The following SAMD4A variants were observed in gnomAD, a reference collection of about 807,000 sequenced individuals.
SAMD4A encodes the protein sterile alpha motif domain containing 4A, also known as protein Smaug homolog 1.
Under a neutral mutation model 81.3 loss-of-function variants are expected in SAMD4A, and 33 were observed. The ratio of observed to expected loss-of-function variants is 0.41; its 90% confidence interval spans 0.31 to 0.54. The LOEUF is 0.54. Among genes scored for constraint, SAMD4A ranks in the 20% least tolerant of loss-of-function variants. SAMD4A has a pLI of 0.37. For missense variants in SAMD4A, 854 were observed against 951.1 expected (o/e 0.90, Z 1.34); for synonymous variants, 389 against 382.1 (o/e 1.02, Z -0.21).
intron 2 of SAMD4A, among the ~76,000 whole-genome samples, chr14:54,610,143 T>C (rs551063935): frequency 1.3e-5 from 2 of 152,320 alleles, no homozygotes; most frequent in South Asian, 4.1e-4. Context: ...TTTCATTCTG[T>C]TTTGAATACT....
At chr14:54,592,061 C>A (rs945485268) in intron 2 of SAMD4A, among the ~76,000 whole-genome samples, 1 of 152,116 alleles carries the variant, frequency 6.6e-6, no homozygotes, top group African/African-American at 2.4e-5. Context: ...TCTTCCCCCT[C>A]CCCATGTGCA....
chr14:54,620,767 T>G (rs1236968066), intron 2 of SAMD4A, among the ~76,000 whole-genome samples: 2 of 152,170 alleles, frequency 1.3e-5, no homozygotes, highest in African/African-American at 2.4e-5. Context: ...TTCATTTATT[T>G]ATTTATTTTA....
intron 2 of SAMD4A, among the ~76,000 whole-genome samples, chr14:54,678,336 C>G (rs2036036456): frequency 6.6e-6 from 1 of 152,034 alleles, no homozygotes. Context: ...GGTTTTATGA[C>G]CTGCCTCAGG....
chr14:54,567,250 G>C lies in SAMD4A; in HGVS notation c.-510G>C, dbSNP rs955929598. 6.6e-6 allele frequency: 1 copy of C among 152,292 alleles called. No homozygotes were observed. Among genetic ancestry groups the C allele is most frequent in the Non-Finnish European group, 1.5e-5 (1 of 68,086 alleles). 9.4% of individuals were successfully genotyped at this position (152,292 alleles called of 1,614,324 possible). ...GGAGCACCAGCCGTTGGCAGCGGCAGCAACAGGAAGCCGCGGGGTCTCCTC... is the reference window on the plus strand; with the variant it reads ...GGAGCACCAGCCGTTGGCAGCGGCACCAACAGGAAGCCGCGGGGTCTCCTC... On this transcript the variant is annotated 5_prime_UTR_variant, in exon 1 of 13. Coordinates refer to ENST00000554335, the MANE Select transcript of SAMD4A (RefSeq NM_015589.6).
At chr14:54,709,759 A>G (rs538988287) in intron 3 of SAMD4A, among the ~76,000 whole-genome samples, 5 of 152,314 alleles carry the variant, frequency 3.3e-5, no homozygotes, top group African/African-American at 1.2e-4. Context: ...ACCCATCAAG[A>G]GCAATTAATT....
At chr14:54,666,674 C>A (rs2035765730) in intron 2 of SAMD4A, among the ~76,000 whole-genome samples, 1 of 152,088 alleles carries the variant, frequency 6.6e-6, no homozygotes, top group South Asian at 2.1e-4. Context: ...GAGCCAGATG[C>A]CATCAGCTTA....
intron 2 of SAMD4A, among the ~76,000 whole-genome samples, chr14:54,636,591 C>T (rs989206846): frequency 1.5e-4 from 23 of 152,154 alleles, no homozygotes; most frequent in African/African-American, 2.4e-5. Flanking sequence ...GAGATGATGG[C>T]GGCTCACACT....
chr14:54,674,348 C>T (rs2035945973), intron 2 of SAMD4A, among the ~76,000 whole-genome samples: 1 of 152,234 alleles, frequency 6.6e-6, no homozygotes. Context: ...ATGAGGTTCT[C>T]TAAAAAAGTA....
Position 54,790,265 on chromosome 14 carries a change from G to A in SAMD4A, c.*1321G>A, listed in dbSNP as rs2140005309. 6.6e-6 allele frequency: 1 copy of A among 152,492 alleles called. No homozygotes were observed. The highest frequency in any genetic ancestry group is 1.9e-4 in the East Asian group (1 of 5,190). The allele number at this position is 152,492 out of a possible 1,614,324, so 9.4% of individuals were successfully genotyped here. ...AGCAAGTCCAGAGAGCACATGCAGGGAGATGTTTGGCCCACACCGCACAGC... is the reference window on the plus strand; with the variant it reads ...AGCAAGTCCAGAGAGCACATGCAGGAAGATGTTTGGCCCACACCGCACAGC... On this transcript the variant is annotated 3_prime_UTR_variant, in exon 13 of 13. Coordinates refer to ENST00000554335, the MANE Select transcript of SAMD4A (RefSeq NM_015589.6).
intron 3 of SAMD4A, among the ~76,000 whole-genome samples, chr14:54,725,367 G>A (rs1173343931): frequency 2.0e-5 from 3 of 152,096 alleles, no homozygotes; most frequent in African/African-American, 7.2e-5. Context: ...TGAGAGGAAA[G>A]GAAAAACCAA....
At chr14:54,662,211 T>A (rs1417043274) in intron 2 of SAMD4A, among the ~76,000 whole-genome samples, 2 of 152,208 alleles carry the variant, frequency 1.3e-5, no homozygotes, top group Non-Finnish European at 2.9e-5. Flanking sequence ...GATGACCTAG[T>A]CAGCCCAGAG....
chr14:54,707,809 G>C (rs1349100922), intron 3 of SAMD4A, among the ~76,000 whole-genome samples: 1 of 152,106 alleles, frequency 6.6e-6, no homozygotes, highest in Non-Finnish European at 1.5e-5. Flanking sequence ...AGACAAAACA[G>C]TGCCTGACTT....
chr14:54,673,980 C>A (rs568310817), intron 2 of SAMD4A, among the ~76,000 whole-genome samples: 33 of 152,326 alleles, frequency 2.2e-4, no homozygotes, highest in Admixed American at 1.8e-3. Context: ...TACTCTGAGT[C>A]ATCAGACGCC....
intron 3 of SAMD4A, among the ~76,000 whole-genome samples, chr14:54,728,625 T>C (rs1483510220): frequency 6.6e-6 from 1 of 152,210 alleles, no homozygotes; most frequent in East Asian, 1.9e-4. Flanking sequence ...ACCAATTCCC[T>C]AATCAGTAAA....
At chr14:54,569,776 T>A (rs1334639365) in intron 2 of SAMD4A, among the ~76,000 whole-genome samples, 1 of 152,248 alleles carries the variant, frequency 6.6e-6, no homozygotes, top group Non-Finnish European at 1.5e-5. Context: ...GGTTGAATGC[T>A]TGATTTCAGT....
intron 2 of SAMD4A, among the ~76,000 whole-genome samples, chr14:54,595,459 T>A (rs1429247991): frequency 6.7e-6 from 1 of 148,830 alleles, no homozygotes; most frequent in African/African-American, 2.4e-5. Context: ...ATATATACTG[T>A]ATGTATATAT....
intron 2 of SAMD4A, among the ~76,000 whole-genome samples, chr14:54,660,197 G>A (rs1292650397): frequency 2.0e-5 from 3 of 152,090 alleles, no homozygotes; most frequent in African/African-American, 7.2e-5. Flanking sequence ...GTGCTGTGTT[G>A]TTCACAACTT....
rs535678028 is a variant in SAMD4A, at chr14:54,674,487, G to A, written c.197-27575G>A. Reference sequence around the variant, plus strand: ...CCCTTCTGACACTGGTCAGGTACTGGTGTGGTTTCTACTGGTGTAGAAACT... The same window carrying A: ...CCCTTCTGACACTGGTCAGGTACTGATGTGGTTTCTACTGGTGTAGAAACT... On this transcript the variant is annotated intron_variant, in intron 2 of 12. Transcript: ENST00000554335. Among the ~76,000 whole-genome samples, 4 of 152,328 alleles carry A rather than the reference G, an allele frequency of 2.6e-5. No homozygotes were observed. The South Asian group carries it at 8.3e-4, about 32-fold the overall frequency.
chr14:54,743,171 C>G (rs1337512641), intron 4 of SAMD4A, among the ~76,000 whole-genome samples: 1 of 152,206 alleles, frequency 6.6e-6, no homozygotes, highest in Non-Finnish European at 1.5e-5. Flanking sequence ...AGTGGCAAAG[C>G]TCCATGAGTG....
Sources: gnomAD v4.1 joint callset for allele counts (sites outside exome capture counted in the v4.1 genomes callset) on GRCh38, gnomAD v4.1.1 for gene constraint, MANE v1.5 for transcripts, NCBI Gene and HGNC (gene_info 2026-07-23, HGNC 2026-07-21) for gene names.